Variants in TTC34 observed in about 807,000 individuals in gnomAD.
TTC34 encodes tetratricopeptide repeat domain 34.
A neutral mutation model predicts 40.7 loss-of-function variants in TTC34; 44 were observed. That is an observed-to-expected ratio of 1.08 (90% CI 0.85 to 1.39). The LOEUF (loss-of-function observed/expected upper bound fraction) is 1.39, where lower values mean the gene tolerates loss of function less well. Among genes scored for constraint, TTC34 ranks in the 40% most tolerant of loss-of-function variants. The pLI is 0.00. For synonymous variants in TTC34, 422 were observed against 398.6 expected (o/e 1.06, Z -0.70); for missense variants, 884 against 838.0 (o/e 1.05, Z -0.68).
chr1:2,644,342 G>A (rs1484471733), exon 8 of TTC34: 1 of 1,535,856 alleles, frequency 6.5e-7, no homozygotes, highest in African/African-American at 1.4e-5. Flanking sequence ...CCTCGGCCAG[G>A]CTCTGCAGGT....
chr1:2,789,114 C>A (rs889865221), intron 3 of TTC34, among the ~76,000 whole-genome samples: 1 of 152,114 alleles, frequency 6.6e-6, no homozygotes, highest in Non-Finnish European at 1.5e-5. Flanking sequence ...AACAAACCAA[C>A]CCCAGGACTG....
chr1:2,652,361 C>T (rs946655817), intron 6 of TTC34, among the ~76,000 whole-genome samples: 708 of 149,064 alleles, frequency 4.7e-3, no homozygotes, highest in Admixed American at 6.4e-3. Context: ...GAACAGCACG[C>T]ACACCCCCAG....
At chr1:2,638,807 G>A (rs1473845405) in exon 9 of TTC34, 1 of 152,346 alleles carries the variant, frequency 6.6e-6, no homozygotes, top group Non-Finnish European at 1.5e-5. Context: ...GGGGAACCGA[G>A]ACTCACCCAC....
chr1:2,756,794 T>C (rs1256709873), intron 6 of TTC34, among the ~76,000 whole-genome samples: 524 of 110,118 alleles, frequency 4.8e-3, no homozygotes, highest in African/African-American at 9.5e-3. Context: ...CACCCCCAGG[T>C]GAACATCCGA....
intron 2 of TTC34, among the ~76,000 whole-genome samples, 164 bp downstream of exon 2, chr1:2,799,878 TTG>T (rs1396041897): frequency 6.6e-6 from 1 of 152,166 alleles, no homozygotes; most frequent in African/African-American, 2.4e-5. Context: ...TGCATTTTGT[TTG>T]TGTCTTTGGG....
intron 6 of TTC34, among the ~76,000 whole-genome samples, chr1:2,749,026 G>T (rs1641233561): frequency 6.6e-6 from 1 of 150,756 alleles, no homozygotes. Flanking sequence ...CTGACAGCCT[G>T]GAACAGCACC....
chr1:2,644,509 TGTGGG>T, intron 7 of TTC34, 31 bp from the exon 8 acceptor site: 2 of 1,522,402 alleles, frequency 1.3e-6, no homozygotes, highest in Middle Eastern at 1.7e-4. Context: ...ACAGTCAGTG[TGTGGG>T]GTTGGGCAGA....
chr1:2,799,018 C>T (rs866585244), intron 2 of TTC34, among the ~76,000 whole-genome samples: 2 of 145,324 alleles, frequency 1.4e-5, no homozygotes, highest in African/African-American at 5.2e-5. Flanking sequence ...TCTCAGCCTC[C>T]AAGCCTCCCA....
chr1:2,654,986 T>A (rs1261671733), intron 6 of TTC34, among the ~76,000 whole-genome samples: 2 of 151,732 alleles, frequency 1.3e-5, no homozygotes, highest in African/African-American at 4.9e-5. Context: ...CAGGTGAGCA[T>A]CTGACAGCCT....
intron 8 of TTC34, among the ~76,000 whole-genome samples, chr1:2,643,951 C>T (rs188922701): frequency 2.9e-3 from 442 of 152,352 alleles, no homozygotes; most frequent in Non-Finnish European, 4.6e-3. Flanking sequence ...GGCTTCCTGC[C>T]GGGCAAGGTG....
At chr1:2,789,856 C>A (rs1643642083) in exon 3 of TTC34, 2 of 426,292 alleles carry the variant, frequency 4.7e-6, no homozygotes, top group East Asian at 3.6e-5. Context: ...CGGCGTGCAG[C>A]GCGCAGAAGC....
exon 9 of TTC34, chr1:2,641,696 C>A (rs1638908344): frequency 6.5e-7 from 1 of 1,535,416 alleles, no homozygotes; most frequent in African/African-American, 1.4e-5. Flanking sequence ...TGGGAGGTCA[C>A]CATCCCCCAG....
At chr1:2,681,815 A>G (rs796085119) in intron 6 of TTC34, among the ~76,000 whole-genome samples, 72 of 59,378 alleles carry the variant, frequency 1.2e-3, no homozygotes, top group Non-Finnish European at 1.7e-3. Flanking sequence ...GTTTGCGGCA[A>G]CACCGACACC....
intron 6 of TTC34, among the ~76,000 whole-genome samples, chr1:2,692,080 C>T (rs1446861328): frequency 9.4e-4 from 40 of 42,396 alleles, no homozygotes; most frequent in East Asian, 1.7e-3. Context: ...GGTGAACATC[C>T]GACAGCCTGG....
At chr1:2,694,670 C>G (rs1320297667) in intron 6 of TTC34, among the ~76,000 whole-genome samples, 1 of 80,200 alleles carries the variant, frequency 1.2e-5, no homozygotes, top group South Asian at 3.5e-4. Context: ...AGCACACACA[C>G]CGCCAGGTGA....
chr1:2,686,396 C>G (rs1464987197), intron 6 of TTC34, among the ~76,000 whole-genome samples: 436 of 142,156 alleles, frequency 3.1e-3, no homozygotes, highest in African/African-American at 7.1e-3. Flanking sequence ...GAGCAGCACC[C>G]ACACCCACAG....
At chr1:2,688,198 G>GCAGCCACACCCC (rs1640456953) in intron 6 of TTC34, among the ~76,000 whole-genome samples, 1 of 113,938 alleles carries the variant, frequency 8.8e-6, no homozygotes, top group African/African-American at 3.5e-5. Flanking sequence ...GCCTGGAGCA[G>GCAGCCACACCCC]CACCCCACAC....
At position 2,796,032 on chromosome 1, in the gene TTC34, T is replaced by C. The variant is rs1321005855; in HGVS notation, c.784+4012A>G. Among the ~76,000 whole-genome samples, 2 of 152,196 alleles carry C rather than the reference T, an allele frequency of 1.3e-5. No individual in the cohort carries two copies. The highest frequency in any genetic ancestry group is 2.9e-5 in the Non-Finnish European group (2 of 68,034). ...GCCATGAGGGCTCTGCTCTTGTGGGTGGGATTAATGCAAGTTCAGCCCCTT... is the reference window on the plus strand; with the variant it reads ...GCCATGAGGGCTCTGCTCTTGTGGGCGGGATTAATGCAAGTTCAGCCCCTT... On this transcript the variant is annotated intron_variant, in intron 2 of 8. Coordinates refer to ENST00000401095, the Ensembl canonical transcript of TTC34. This position sits in a 1 kb window ranked among gnomAD's most constrained non-coding sequence, Gnocchi z 4.5.
At chr1:2,681,595 A>T (rs553844235) in intron 6 of TTC34, among the ~76,000 whole-genome samples, 1 of 58,920 alleles carries the variant, frequency 1.7e-5, no homozygotes, top group Admixed American at 1.7e-4. Context: ...CCCACAGGTG[A>T]GCATCAGACA....
Sources: allele counts gnomAD v4.1 joint callset (sites outside exome capture counted in the v4.1 genomes callset), GRCh38; gene constraint gnomAD v4.1.1; non-coding constraint Gnocchi (gnomAD v3.1); transcripts MANE v1.5; gene names NCBI Gene and HGNC (gene_info 2026-07-23, HGNC 2026-07-21).